The following ABCC9 variants were observed in gnomAD, a reference collection of about 807,000 sequenced individuals.
ABCC9 encodes the protein ATP-binding cassette sub-family C member 9.
A neutral mutation model predicts 188.3 loss-of-function variants in ABCC9; 95 were observed. The observed-to-expected ratio is 0.50, with a 90% CI of 0.43 to 0.60. The LOEUF (loss-of-function observed/expected upper bound fraction) is 0.60. Ranked by LOEUF, ABCC9 falls within the 20% of genes least tolerant of loss-of-function variation. ABCC9 has a pLI of 0.00. For missense variants in ABCC9, 1,102 were observed against 1,876.3 expected (o/e 0.59, Z 7.62); for synonymous variants, 659 against 652.7 (o/e 1.01, Z -0.15).
intron 16 of ABCC9, among the ~76,000 whole-genome samples, chr12:21,880,276 T>C (rs1447554814): frequency 6.6e-6 from 1 of 152,084 alleles, no homozygotes; most frequent in Non-Finnish European, 1.5e-5. Flanking sequence ...AGTTAAAAAG[T>C]GTAGCTTCAA....
chr12:21,915,286 G>GTA (rs71053355), intron 7 of ABCC9, among the ~76,000 whole-genome samples: 123,910 of 129,026 alleles, frequency 0.96, 59,692 homozygotes, highest in East Asian at 0.99. Flanking sequence ...ATATATGTGT[G>GTA]TATATATACA....
chr12:21,891,029 A>G (rs1047593972), intron 14 of ABCC9, among the ~76,000 whole-genome samples: 6 of 152,150 alleles, frequency 3.9e-5, no homozygotes, highest in Non-Finnish European at 7.4e-5. Context: ...TTCTCTCTCA[A>G]AAACTTCAAG....
chr12:21,910,187 C>G lies in ABCC9; in HGVS notation c.1290G>C (p.Leu430=). ...ETNQLMWFLF[L]CPNLWAMPVQ... is the part of the protein sequence containing the mutation. ...CAGGCATAGCCCATAGATTGGGACA[C>G]AGGAACAAAAACCACATGAGTTGAT... Residue 430 remains leucine, a synonymous_variant, in exon 10 of 40, where the codon CTG becomes CTC. Coordinates refer to ENST00000261200, the MANE Select transcript of ABCC9 (RefSeq NM_020297.4). 1 of 1,611,392 alleles carries G rather than the reference C, an allele frequency of 6.2e-7. No individual in the cohort carries two copies. The highest frequency in any genetic ancestry group is 2.2e-5 in the East Asian group (1 of 44,832).
intron 18 of ABCC9, among the ~76,000 whole-genome samples, chr12:21,869,297 C>A (rs1443152830): frequency 1.3e-5 from 2 of 152,162 alleles, no homozygotes; most frequent in African/African-American, 4.8e-5. Flanking sequence ...TATGCTGAAT[C>A]TATTCACTTT....
intron 4 of ABCC9, among the ~76,000 whole-genome samples, chr12:21,929,403 A>T (rs927040865): frequency 1.3e-5 from 2 of 152,034 alleles, no homozygotes; most frequent in African/African-American, 2.4e-5. Flanking sequence ...TAAAAAGGAG[A>T]ACAAAAACTA....
chr12:21,862,460 C>T (rs1417811085), intron 20 of ABCC9, among the ~76,000 whole-genome samples: 1 of 152,108 alleles, frequency 6.6e-6, no homozygotes, highest in Non-Finnish European at 1.5e-5. Flanking sequence ...CTAAGACCCA[C>T]GCTTGCAAGA....
chr12:21,929,478 A>C (rs1259707729), intron 4 of ABCC9, among the ~76,000 whole-genome samples: 2 of 152,114 alleles, frequency 1.3e-5, no homozygotes, highest in African/African-American at 4.8e-5. Context: ...TACTAAAAAA[A>C]AAATCAAATA....
intron 12 of ABCC9, among the ~76,000 whole-genome samples, chr12:21,897,838 A>C (rs1947499378): frequency 8.3e-6 from 1 of 120,598 alleles, no homozygotes; most frequent in Non-Finnish European, 1.7e-5. Context: ...GACCTCCTCT[A>C]CCCTCTCTCT....
At chr12:21,860,083 T>A (rs1206413402) in intron 21 of ABCC9, among the ~76,000 whole-genome samples, 3 of 102,454 alleles carry the variant, frequency 2.9e-5, no homozygotes, top group African/African-American at 4.2e-5. Context: ...AAAGTACCAC[T>A]TACACTTTAA....
chr12:21,915,514 A>ATATATTTTTTTTTTTT lies in ABCC9; in HGVS notation c.816+153_816+154insAAAAAAAAAAAATATA. ...TGTGTGTGTGTGTATATATATATAT[A>ATATATTTTTTTTTTTT]TTTTTTTTTTTTTTTTGAGACAGAG... On this transcript the variant is annotated intron_variant, in intron 7 of 39. Transcript: ENST00000261200. 1.4e-3 allele frequency among the ~76,000 whole-genome samples: 5 copies of ATATATTTTTTTTTTTT among 3,522 alleles called. 1 individual carries two copies. The highest frequency in any genetic ancestry group is 5.4e-3 in the African/African-American group (5 of 924). 2.3% of individuals were successfully genotyped at this position (3,522 alleles called of 152,430 possible).
chr12:21,847,760 C>T (rs1372098807), intron 25 of ABCC9, among the ~76,000 whole-genome samples: 2 of 152,054 alleles, frequency 1.3e-5, no homozygotes, highest in East Asian at 3.9e-4. Flanking sequence ...GAATCAAATA[C>T]AGCTACTTCA....
At chr12:21,848,279 C>G (rs753201845) in intron 24 of ABCC9, 33 bp from the exon 25 acceptor site, 1 of 1,568,656 alleles carries the variant, frequency 6.4e-7, no homozygotes, top group Admixed American at 1.7e-5. Context: ...ATGCAAGGAG[C>G]TAACACCAAT....
intron 4 of ABCC9, 81 bp downstream of exon 4, chr12:21,933,675 AAAAATATAAAGCACATTTATGGGCAC>A: frequency 7.2e-7 from 1 of 1,396,838 alleles, no homozygotes. Flanking sequence ...TCAGAGAGCA[AAAAATATAAAGCACATTTATGGGCAC>A]AAGTTACAAA....
chr12:21,850,877 G>C (rs1254476945), intron 24 of ABCC9, among the ~76,000 whole-genome samples: 2 of 151,930 alleles, frequency 1.3e-5, no homozygotes, highest in Non-Finnish European at 2.9e-5. Context: ...TTTGTTGTTT[G>C]TTTATTGCTT....
intron 30 of ABCC9, among the ~76,000 whole-genome samples, chr12:21,832,277 G>A (rs572809543): frequency 3.8e-4 from 58 of 152,234 alleles, no homozygotes; most frequent in Non-Finnish European, 7.1e-4. Context: ...AGTACACCAC[G>A]AACCCTCAAT....
intron 25 of ABCC9, among the ~76,000 whole-genome samples, chr12:21,846,761 C>T (rs1255013116): frequency 6.6e-6 from 1 of 152,072 alleles, no homozygotes; most frequent in Non-Finnish European, 1.5e-5. Context: ...AAGAGGTGGA[C>T]ACTTGCACTT....
chr12:21,811,317 C>T (rs1942222698), intron 36 of ABCC9, among the ~76,000 whole-genome samples: 1 of 152,138 alleles, frequency 6.6e-6, no homozygotes, highest in Non-Finnish European at 1.5e-5. Context: ...TTATAAATTA[C>T]CTAGTCTCAG....
At chr12:21,922,593 C>T (rs990759163) in intron 5 of ABCC9, among the ~76,000 whole-genome samples, 2 of 151,836 alleles carry the variant, frequency 1.3e-5, no homozygotes, top group African/African-American at 4.8e-5. Context: ...AAGACCTCTA[C>T]ACTGAAAGCT....
intron 31 of ABCC9, among the ~76,000 whole-genome samples, chr12:21,825,400 C>T (rs141231180): frequency 0.017 from 2,533 of 152,268 alleles, 69 homozygotes; most frequent in African/African-American, 0.058. Flanking sequence ...ACCCAAATGC[C>T]CATCAATGAT....
Sources: allele counts gnomAD v4.1 joint callset (sites outside exome capture counted in the v4.1 genomes callset), GRCh38; gene constraint gnomAD v4.1.1; transcripts MANE v1.5; gene names NCBI Gene and HGNC (gene_info 2026-07-23, HGNC 2026-07-21).